The following SLC26A8 variants were observed in gnomAD, a reference collection of about 807,000 sequenced individuals.
SLC26A8 encodes solute carrier family 26 member 8.
Under a neutral mutation model 105.0 loss-of-function variants are expected in SLC26A8, and 70 were observed. That is an observed-to-expected ratio of 0.67 (90% CI 0.55 to 0.81). The LOEUF (loss-of-function observed/expected upper bound fraction) is 0.81, where lower values mean the gene tolerates loss of function less well. Among genes scored for constraint, SLC26A8 ranks in the 40% least tolerant of loss-of-function variants. The pLI is 0.00. For missense variants in SLC26A8, 998 were observed against 1,181.8 expected, an observed-to-expected ratio of 0.84 and a Z score of 2.28; for synonymous variants, 415 against 438.3, an observed-to-expected ratio of 0.95 and a Z score of 0.66.
chr6:35,989,703 C>T (rs1027456558), intron 7 of SLC26A8: 4 of 152,200 alleles, frequency 2.6e-5, no homozygotes, highest in Middle Eastern at 3.4e-3. Flanking sequence ...CGGAGCATAA[C>T]GTGAGTCGCA....
rs371059916 is a variant in SLC26A8 at position 35,946,812 on chromosome 6, C to T, written c.2473-2472G>A. ...AAGCAATCCTCCTGCCTCAAGCTCC[C>T]GAGTAGCTAGGATTACAGGTATGCA... On this transcript the variant is annotated intron_variant, in intron 19 of 19. Transcript: ENST00000490799. Among the ~76,000 whole-genome samples, 8 of 151,752 alleles carry T rather than the reference C, an allele frequency of 5.3e-5. No homozygotes were observed. In the East Asian group the frequency reaches 7.7e-4, roughly 15 times the overall value.
At chr6:35,973,697 T>A (rs1282588131) in intron 10 of SLC26A8, among the ~76,000 whole-genome samples, 1 of 152,204 alleles carries the variant, frequency 6.6e-6, no homozygotes, top group Non-Finnish European at 1.5e-5. Context: ...CCCTGCCTAA[T>A]CTTTCTGACT....
intron 7 of SLC26A8, chr6:35,989,741 C>G (rs1773676558): frequency 6.6e-6 from 1 of 152,066 alleles, no homozygotes; most frequent in Non-Finnish European, 1.5e-5. Context: ...TCTGTATAAA[C>G]TAGGACTACA....
At chr6:35,984,549 C>T (rs1021365968) in intron 7 of SLC26A8, among the ~76,000 whole-genome samples, 15 of 151,990 alleles carry the variant, frequency 9.9e-5, no homozygotes, top group East Asian at 1.9e-4. Flanking sequence ...GTCTCAAACT[C>T]CTGACCTCGA....
chr6:35,998,358 C>T (rs1018045643), intron 4 of SLC26A8, among the ~76,000 whole-genome samples: 7 of 151,996 alleles, frequency 4.6e-5, no homozygotes, highest in African/African-American at 1.7e-4. Context: ...GAGTTTGAGA[C>T]GAGCCTGACC....
At chr6:35,991,155 C>G (rs2127348008) in intron 7 of SLC26A8, among the ~76,000 whole-genome samples, 1 of 152,268 alleles carries the variant, frequency 6.6e-6, no homozygotes, top group Admixed American at 6.5e-5. Context: ...AATCCTAGCA[C>G]TTTGGGAGGC....
intron 1 of SLC26A8, among the ~76,000 whole-genome samples, chr6:36,020,136 C>T (rs1762094994): frequency 6.6e-6 from 1 of 152,184 alleles, no homozygotes; most frequent in African/African-American, 2.4e-5. Flanking sequence ...CTTGTAACTC[C>T]TCTAAAATAG....
At chr6:35,951,104 C>CAA in intron 19 of SLC26A8, 59 bp downstream of exon 19, 43 of 1,462,986 alleles carry the variant, frequency 2.9e-5, no homozygotes, top group Non-Finnish European at 3.4e-5. Flanking sequence ...ACCCCTCACC[C>CAA]ATCCCCCCAC....
At chr6:36,001,604 C>A (rs751662844) in intron 3 of SLC26A8, among the ~76,000 whole-genome samples, 1 of 152,218 alleles carries the variant, frequency 6.6e-6, no homozygotes, top group Non-Finnish European at 1.5e-5. Flanking sequence ...AGGTCATTAC[C>A]TGCCAGAGGT....
At chr6:36,017,237 A>G (rs1762019566) in intron 2 of SLC26A8, among the ~76,000 whole-genome samples, 2 of 149,802 alleles carry the variant, frequency 1.3e-5, no homozygotes, top group African/African-American at 4.9e-5. Flanking sequence ...GAAAAGATGC[A>G]TGATCTTGTA....
At chr6:35,954,002 T>C (rs1771967683) in intron 17 of SLC26A8, among the ~76,000 whole-genome samples, 2 of 151,976 alleles carry the variant, frequency 1.3e-5, no homozygotes, top group African/African-American at 4.8e-5. Flanking sequence ...TGTGCAAATC[T>C]CAAAAGAAGC....
At chr6:35,999,931 T>C (rs764321275) in intron 4 of SLC26A8, 61 bp downstream of exon 4, 2 of 1,143,378 alleles carry the variant, frequency 1.7e-6, no homozygotes, top group Non-Finnish European at 2.6e-6. Flanking sequence ...ACCTTAGCAA[T>C]AAGTATATGA....
At chr6:35,973,185 T>C (rs1015551942) in intron 10 of SLC26A8, among the ~76,000 whole-genome samples, 2 of 152,236 alleles carry the variant, frequency 1.3e-5, no homozygotes, top group Non-Finnish European at 2.9e-5. Context: ...AAACAAAGTA[T>C]GTCATAAAAA....
At chr6:35,974,977 C>G (rs1052296010) in intron 10 of SLC26A8, among the ~76,000 whole-genome samples, 1 of 151,110 alleles carries the variant, frequency 6.6e-6, no homozygotes, top group Non-Finnish European at 1.5e-5. Context: ...AGGCTGGTCT[C>G]AAACTCCTGA....
Position 35,955,487 on chromosome 6 carries a change from C to A in SLC26A8, c.1897G>T (p.Asp633Tyr), listed in dbSNP as rs1408779143. The A allele has an allele frequency of 4.3e-6, 7 of 1,613,962 alleles. No individual in the cohort carries two copies. The African/African-American group carries it at 6.7e-5, about 15-fold the overall frequency. ...LYTERFENKL[D>Y]PEASSINLIH... ...AGGTTAATGGAGGATGCTTCGGGAT[C>A]CAGTTTATTTTCAAATCGCTCTGTG... is the stretch of plus-strand genomic sequence containing the variant. Residue 633 changes from aspartate (D) to tyrosine (Y), a missense_variant, in exon 17 of 20, where the codon GAT becomes TAT. Coordinates refer to ENST00000490799, the MANE Select transcript of SLC26A8 (RefSeq NM_052961.4).
chr6:36,008,231 C>T (rs917412964), intron 3 of SLC26A8, among the ~76,000 whole-genome samples: 3 of 151,930 alleles, frequency 2.0e-5, no homozygotes, highest in Non-Finnish European at 4.4e-5. Flanking sequence ...GAGTTCTAGA[C>T]TGCAGTGAGC....
At chr6:35,989,335 G>T (rs1325475935) in intron 7 of SLC26A8, among the ~76,000 whole-genome samples, 1 of 152,114 alleles carries the variant, frequency 6.6e-6, no homozygotes. Flanking sequence ...TCATGTAATG[G>T]AATTATACAG....
At chr6:35,951,094 A>ACCCCCCC in intron 19 of SLC26A8, 69 bp downstream of exon 19, 1 of 666,680 alleles carries the variant, frequency 1.5e-6, no homozygotes. Flanking sequence ...GCCCCCAACC[A>ACCCCCCC]CCCCTCACCC....
At chr6:35,951,606 GTCTCACTC>G in intron 17 of SLC26A8, 107 bp from the exon 18 acceptor site, 3 of 1,136,280 alleles carry the variant, frequency 2.6e-6, no homozygotes, top group Non-Finnish European at 3.9e-6. Flanking sequence ...TTGTGACAGA[GTCTCACTC>G]TGTCACCCAG....
Sources: gnomAD v4.1 joint callset for allele counts (sites outside exome capture counted in the v4.1 genomes callset) on GRCh38, gnomAD v4.1.1 for gene constraint, MANE v1.5 for transcripts, NCBI Gene and HGNC (gene_info 2026-07-23, HGNC 2026-07-21) for gene names.